SEMA3D: variants seen among roughly 807,000 people sequenced by gnomAD.
The protein encoded by SEMA3D is semaphorin 3D, also known as semaphorin-3D.
In SEMA3D, 84 loss-of-function variants were observed where a neutral mutation model predicts 100.1. That is an observed-to-expected ratio of 0.84 (90% confidence interval 0.70 to 1.01). The LOEUF is 1.01. Ranked by LOEUF, SEMA3D falls within the 50% of genes least tolerant of loss-of-function variation. The probability of loss-of-function intolerance (pLI) is 0.00; values close to 1 mark genes in which losing one functional copy is unlikely to be tolerated. For missense variants in SEMA3D, 875 were observed against 934.1 expected (o/e 0.94, Z 0.82); for synonymous variants, 312 against 320.7 (o/e 0.97, Z 0.29).
chr7:85,130,191 G>A (rs1001827904), intron 2 of SEMA3D, among the ~76,000 whole-genome samples: 3 of 151,976 alleles, frequency 2.0e-5, no homozygotes, highest in Non-Finnish European at 2.9e-5. Context: ...TCTTCATATC[G>A]GATTTGAATT....
intron 12 of SEMA3D, among the ~76,000 whole-genome samples, chr7:85,031,359 GT>G (rs1029131847): frequency 6.6e-6 from 1 of 151,964 alleles, no homozygotes; most frequent in African/African-American, 2.4e-5. Context: ...ATGGCTTTTA[GT>G]AAAGGTTCTA....
chr7:85,117,415 G>A (rs913040900), intron 3 of SEMA3D, among the ~76,000 whole-genome samples: 2 of 152,136 alleles, frequency 1.3e-5, no homozygotes, highest in Admixed American at 1.3e-4. Context: ...TACAGCAATA[G>A]TTATCCAAAT....
chr7:85,150,499 C>T lies in SEMA3D; in HGVS notation c.-41+3109G>A, dbSNP rs535898053. Among the ~76,000 whole-genome samples the T allele has an allele frequency of 2.0e-3, 291 of 145,550 alleles. 5 individuals are homozygous for T. Among genetic ancestry groups the T allele is most frequent in the African/African-American group, 7.2e-3 (286 of 39,934 alleles). On this transcript the variant is annotated intron_variant, in intron 2 of 18. Transcript: ENST00000284136. The stretch of plus-strand genomic sequence containing the variant: ...GGATATATATATATACACACACACA[C>T]ACACATATATTTACAGGGATATATA...
At chr7:85,216,028 A>G in the SEMA3D span, among the ~76,000 whole-genome samples, 1 of 152,142 alleles carries the variant, frequency 6.6e-6, no homozygotes, top group African/African-American at 2.4e-5. Flanking sequence ...CAGACCTTCC[A>G]AATGTTAACA....
intron 8 of SEMA3D, among the ~76,000 whole-genome samples, chr7:85,061,105 A>G (rs907779211): frequency 2.0e-5 from 3 of 152,198 alleles, no homozygotes; most frequent in East Asian, 1.9e-4. Context: ...TGGAACCATC[A>G]AAGACTTCAT....
chr7:85,177,051 T>A (rs935519503), intron 1 of SEMA3D, among the ~76,000 whole-genome samples: 3 of 152,134 alleles, frequency 2.0e-5, no homozygotes, highest in Non-Finnish European at 2.9e-5. Flanking sequence ...GGCTATACCA[T>A]CTAGGTTTGC....
At chr7:85,142,688 T>C (rs1286048999) in intron 2 of SEMA3D, 5 of 982,978 alleles carry the variant, frequency 5.1e-6, no homozygotes, top group Non-Finnish European at 6.0e-6. Flanking sequence ...TTTTTTTTTT[T>C]TTTTTAGTGT....
At chr7:85,048,291 G>A (rs1261189626) in intron 9 of SEMA3D, among the ~76,000 whole-genome samples, 5 of 151,736 alleles carry the variant, frequency 3.3e-5, no homozygotes, top group Non-Finnish European at 5.9e-5. Context: ...TCTTCAGTGG[G>A]TTATTTCTAG....
chr7:85,246,321 G>A, the SEMA3D span, among the ~76,000 whole-genome samples: 1 of 152,000 alleles, frequency 6.6e-6, no homozygotes, highest in Non-Finnish European at 1.5e-5. Context: ...GACAACAGAA[G>A]TGTATTTGGA....
chr7:85,157,568 T>G lies in SEMA3D; in HGVS notation c.-172-3829A>C, dbSNP rs1161170594. On this transcript the variant is annotated intron_variant, in intron 1 of 18. Coordinates refer to ENST00000284136, the MANE Select transcript of SEMA3D (RefSeq NM_001384900.1). ...CTGAGCTTTTCGCACCATGTCCCAA[T>G]ATGATCTCATATTTCTCTTGTTACT... 5.0e-6 allele frequency: 3 copies of G among 597,024 alleles called. No individual in the cohort carries two copies. In the South Asian group the frequency reaches 2.3e-4, roughly 45 times the overall value. The allele number at this position is 597,024 out of a possible 1,614,324, so 37.0% of individuals were successfully genotyped here.
chr7:85,186,287 G>T (rs1378895696), intron 1 of SEMA3D, among the ~76,000 whole-genome samples: 1 of 152,158 alleles, frequency 6.6e-6, no homozygotes, highest in Non-Finnish European at 1.5e-5. Context: ...ATTCATAGAC[G>T]CTCTCTGCTG....
intron 3 of SEMA3D, among the ~76,000 whole-genome samples, chr7:85,118,530 T>C (rs1789311807): frequency 6.6e-6 from 1 of 152,170 alleles, no homozygotes. Context: ...TGGAAGATCA[T>C]TTCAATCCTT....
intron 9 of SEMA3D, among the ~76,000 whole-genome samples, chr7:85,053,841 C>CT (rs1376015284): frequency 6.6e-6 from 1 of 151,772 alleles, no homozygotes; most frequent in Non-Finnish European, 1.5e-5. Context: ...ATCATATATT[C>CT]TTTTTTGATC....
intron 1 of SEMA3D, among the ~76,000 whole-genome samples, chr7:85,161,573 T>C (rs949255082): frequency 6.6e-6 from 1 of 151,970 alleles, no homozygotes; most frequent in African/African-American, 2.4e-5. Flanking sequence ...CGGGGAGAGT[T>C]GCAAGAAGCA....
At chr7:85,187,608 G>A (rs1309847298), upstream of SEMA3D, among the ~76,000 whole-genome samples, 1 of 152,174 alleles carries the variant, frequency 6.6e-6, no homozygotes, top group Non-Finnish European at 1.5e-5. Flanking sequence ...GACCTACAAA[G>A]AGGTGTGCCT....
At chr7:85,209,642 A>G in the SEMA3D span, among the ~76,000 whole-genome samples, 3,495 of 152,072 alleles carry the variant, frequency 0.023, 61 homozygotes, top group Non-Finnish European at 0.037. Context: ...TTTTGTAGTG[A>G]TTCACTTCTT....
chr7:85,008,620 T>C (rs1448385543), intron 17 of SEMA3D, among the ~76,000 whole-genome samples: 1 of 151,782 alleles, frequency 6.6e-6, no homozygotes, highest in Non-Finnish European at 1.5e-5. Context: ...CAAGACATTT[T>C]CAGCACAGAC....
At chr7:85,249,377 T>C in the SEMA3D span, among the ~76,000 whole-genome samples, 17 of 152,136 alleles carry the variant, frequency 1.1e-4, no homozygotes, top group Non-Finnish European at 2.5e-4. Flanking sequence ...TAATATGGTA[T>C]CATGCATGGG....
At chr7:85,183,774 C>T (rs1791464859) in intron 1 of SEMA3D, among the ~76,000 whole-genome samples, 1 of 152,162 alleles carries the variant, frequency 6.6e-6, no homozygotes, top group South Asian at 2.1e-4. Context: ...TTTTACATTG[C>T]CAGATACTTT....
Sources: allele counts gnomAD v4.1 joint callset (sites outside exome capture counted in the v4.1 genomes callset), GRCh38; gene constraint gnomAD v4.1.1; transcripts MANE v1.5; gene names NCBI Gene and HGNC (gene_info 2026-07-23, HGNC 2026-07-21).